ANK3: variants seen among roughly 807,000 people sequenced by gnomAD.
The protein encoded by ANK3 is ankyrin 3.
A neutral mutation model predicts 370.9 loss-of-function variants in ANK3; 57 were observed. That is an observed-to-expected ratio of 0.15 (90% CI 0.12 to 0.19). The LOEUF (loss-of-function observed/expected upper bound fraction) is 0.19. Among genes scored for constraint, ANK3 ranks in the 10% least tolerant of loss-of-function variants. The pLI is 1.00. For missense variants in ANK3, 4,439 were observed against 5,302.1 expected (o/e 0.84, Z 5.06); for synonymous variants, 1,929 against 1,946.3 (o/e 0.99, Z 0.23).
At chr10:60,218,834 G>C (rs1345064025) in intron 8 of ANK3, among the ~76,000 whole-genome samples, 1 of 151,972 alleles carries the variant, frequency 6.6e-6, no homozygotes, top group East Asian at 1.9e-4. Flanking sequence ...GGCCTATTTT[G>C]CTAGGTCGGG....
At chr10:60,531,631 T>C (rs2076608593) in intron 2 of ANK3, among the ~76,000 whole-genome samples, 1 of 152,048 alleles carries the variant, frequency 6.6e-6, no homozygotes, top group Non-Finnish European at 1.5e-5. Context: ...ATAACTTTTA[T>C]GTGAATATAT....
chr10:60,209,385 C>T (rs554011575), intron 9 of ANK3, among the ~76,000 whole-genome samples: 2 of 152,064 alleles, frequency 1.3e-5, no homozygotes. Context: ...AGAAGGAGTT[C>T]AAGATAAGAA....
At chr10:60,622,300 A>G (rs891821609) in intron 1 of ANK3, among the ~76,000 whole-genome samples, 4 of 151,716 alleles carry the variant, frequency 2.6e-5, no homozygotes, top group African/African-American at 9.7e-5. Context: ...GCTGGAGTGC[A>G]GCAGCATGAT....
intron 2 of ANK3, among the ~76,000 whole-genome samples, chr10:60,563,072 G>A (rs1233989836): frequency 2.0e-5 from 3 of 152,018 alleles, no homozygotes; most frequent in Non-Finnish European, 4.4e-5. Context: ...ATAGTAATCA[G>A]GACTCTTTTT....
intron 1 of ANK3, among the ~76,000 whole-genome samples, chr10:60,289,256 T>A (rs1046790432): frequency 1.4e-5 from 2 of 145,360 alleles, no homozygotes; most frequent in Non-Finnish European, 3.0e-5. Flanking sequence ...TTTTCATCTA[T>A]GCCCTGCCTT....
At chr10:60,628,080 A>G (rs2078435079) in intron 1 of ANK3, among the ~76,000 whole-genome samples, 1 of 152,208 alleles carries the variant, frequency 6.6e-6, no homozygotes, top group African/African-American at 2.4e-5. Flanking sequence ...TATTCTCAAC[A>G]ATAAACCCTT....
chr10:60,094,773 T>A (rs1004265144), intron 28 of ANK3, among the ~76,000 whole-genome samples: 5 of 152,160 alleles, frequency 3.3e-5, no homozygotes, highest in African/African-American at 1.2e-4. Flanking sequence ...ATCAGTAATG[T>A]CACTACAGAA....
intron 2 of ANK3, among the ~76,000 whole-genome samples, chr10:60,449,038 T>C (rs1236845190): frequency 6.6e-6 from 1 of 152,118 alleles, no homozygotes; most frequent in Non-Finnish European, 1.5e-5. Flanking sequence ...TCAGAGGAGG[T>C]TAGAAACATG....
chr10:60,568,978 C>A (rs1490118353), intron 2 of ANK3, among the ~76,000 whole-genome samples: 1 of 152,046 alleles, frequency 6.6e-6, no homozygotes, highest in Non-Finnish European at 1.5e-5. Flanking sequence ...ATGCTGACAC[C>A]CTAATCTCAG....
chr10:60,239,759 T>G (rs2097396349), intron 7 of ANK3, among the ~76,000 whole-genome samples: 1 of 151,804 alleles, frequency 6.6e-6, no homozygotes, highest in Admixed American at 6.6e-5. Context: ...AACAACAAAT[T>G]GTGGGGTTTA....
At chr10:60,609,714 C>T (rs1400517059) in intron 2 of ANK3, among the ~76,000 whole-genome samples, 3 of 152,094 alleles carry the variant, frequency 2.0e-5, no homozygotes, top group Non-Finnish European at 4.4e-5. Flanking sequence ...GGATACCTTA[C>T]CATATCATAA....
intron 1 of ANK3, among the ~76,000 whole-genome samples, chr10:60,346,700 T>A (rs187134674): frequency 6.6e-6 from 1 of 152,234 alleles, no homozygotes; most frequent in South Asian, 2.1e-4. Context: ...TTTGGAAATA[T>A]ATATGCAAAC....
At chr10:60,205,608 C>A (rs934309003) in intron 11 of ANK3, among the ~76,000 whole-genome samples, 184 bp downstream of exon 11, 2 of 152,152 alleles carry the variant, frequency 1.3e-5, no homozygotes, top group African/African-American at 4.8e-5. Context: ...TCAAACTCAC[C>A]CACCAACATG....
At chr10:60,063,760 T>C (rs1057109769) in intron 39 of ANK3, among the ~76,000 whole-genome samples, 1 of 152,164 alleles carries the variant, frequency 6.6e-6, no homozygotes, top group Non-Finnish European at 1.5e-5. Context: ...AATAAAACTA[T>C]TTGCTCCCCT....
chr10:60,346,592 T>G (rs1283494861), intron 1 of ANK3, among the ~76,000 whole-genome samples: 1 of 150,874 alleles, frequency 6.6e-6, no homozygotes, highest in Non-Finnish European at 1.5e-5. Flanking sequence ...AGAGAGGTTA[T>G]CACACATTGT....
chr10:60,516,302 C>T (rs1376482779), intron 2 of ANK3, among the ~76,000 whole-genome samples: 1 of 151,984 alleles, frequency 6.6e-6, no homozygotes, highest in African/African-American at 2.4e-5. Flanking sequence ...GAAGAAAAAC[C>T]TACTTGTAAC....
At chr10:60,172,830 G>T (rs554060307) in intron 20 of ANK3, 70 bp downstream of exon 20, 4 of 957,970 alleles carry the variant, frequency 4.2e-6, no homozygotes, top group African/African-American at 1.6e-5. Flanking sequence ...AATGAAAAAC[G>T]TAAGAAGACA....
intron 25 of ANK3, among the ~76,000 whole-genome samples, chr10:60,132,633 T>C (rs2094143080): frequency 6.6e-6 from 1 of 151,942 alleles, no homozygotes; most frequent in Admixed American, 6.6e-5. Context: ...TTTTTTTTTT[T>C]TTTGACAGAG....
At chr10:60,615,202 G>A (rs1376755548) in exon 2 of ANK3, 2 of 1,517,160 alleles carry the variant, frequency 1.3e-6, no homozygotes, top group Non-Finnish European at 1.8e-6. Context: ...AGAGCTTCGT[G>A]AATAATCTGA....
Sources: gnomAD v4.1 joint callset for allele counts (sites outside exome capture counted in the v4.1 genomes callset) on GRCh38, gnomAD v4.1.1 for gene constraint, MANE v1.5 for transcripts, NCBI Gene and HGNC (gene_info 2026-07-23, HGNC 2026-07-21) for gene names.